The following PUS7L variants were observed in gnomAD, a reference collection of about 807,000 sequenced individuals.
PUS7L encodes the protein pseudouridine synthase 7 like.
PUS7L carries 49 observed loss-of-function variants against 51.1 expected under a neutral mutation model. The observed-to-expected ratio is 0.96, with a 90% confidence interval of 0.76 to 1.22. The LOEUF (loss-of-function observed/expected upper bound fraction) is 1.22. Ranked by LOEUF, PUS7L falls within the 50% of genes most tolerant of loss-of-function variation. The pLI is 0.00. For missense variants in PUS7L, 828 were observed against 820.6 expected (o/e 1.01, Z -0.11); for synonymous variants, 277 against 276.2 (o/e 1.00, Z -0.03).
At position 43,755,099 on chromosome 12, in the gene PUS7L, GGTCTTATTAACTAACT is replaced by G; in HGVS notation, c.131_146del (p.Gln44ProfsTer25). ...TAATCTTGAAAATAGGCTCATCGAT[GGTCTTATTAACTAACT>G]GTCCCTGTTCATCAATTTCAATAAC... On this transcript the variant is annotated frameshift_variant, in exon 2 of 9. Transcript: ENST00000344862. LOFTEE classifies it high-confidence loss of function. 2 of 1,613,592 alleles carry G rather than the reference GGTCTTATTAACTAACT, an allele frequency of 1.2e-6. No homozygotes were observed. Among genetic ancestry groups the G allele is most frequent in the Non-Finnish European group, 1.7e-6 (2 of 1,179,742 alleles).
rs923728628 is a variant in PUS7L at position 43,729,312 on chromosome 12, AG to A, written c.*1063del. 3 of 396,370 alleles carry A rather than the reference AG, an allele frequency of 7.6e-6. No homozygotes were observed. The highest frequency in any genetic ancestry group is 1.3e-5 in the Non-Finnish European group (3 of 224,582). 24.6% of individuals were successfully genotyped at this position (396,370 alleles called of 1,614,324 possible). A position where few individuals can be genotyped will look rare whatever the true frequency, so the allele number is the denominator to read the frequency against. ...TTCCCAAAATGGTTAAACTGGCTTA[AG>A]TATATATATCACATTACTGATATAT... On this transcript the variant is annotated 3_prime_UTR_variant, in exon 9 of 9. Coordinates refer to ENST00000344862, the MANE Select transcript of PUS7L (RefSeq NM_031292.5).
chr12:43,731,773 C>T lies in PUS7L; in HGVS notation c.1726-15G>A. ...ACCAGGTGAATCTAGTTTTAAAAAA[C>T]ATGAAAATATGAATGATTCCCAAAT... On this transcript the variant is annotated splice_polypyrimidine_tract_variant and intron_variant, in intron 7 of 8. Transcript: ENST00000344862. 1.3e-6 allele frequency: 2 copies of T among 1,507,048 alleles called. No individual in the cohort carries two copies. Among genetic ancestry groups the T allele is most frequent in the Non-Finnish European group, 1.8e-6 (2 of 1,089,298 alleles). The allele number at this position is 1,507,048 out of a possible 1,614,324, so 93.4% of individuals were successfully genotyped here.
chr12:43,740,207 A>G (rs1215129092), intron 5 of PUS7L, among the ~76,000 whole-genome samples: 1 of 152,188 alleles, frequency 6.6e-6, no homozygotes, highest in Non-Finnish European at 1.5e-5. Flanking sequence ...TGTCTTTAGC[A>G]CTGGGATTTA....
chr12:43,757,239 C>T (rs1938780590), intron 1 of PUS7L, among the ~76,000 whole-genome samples: 1 of 152,162 alleles, frequency 6.6e-6, no homozygotes, highest in South Asian at 2.1e-4. Context: ...GGCATGATCT[C>T]GGCTCACTGC....
At chr12:43,740,638 C>G (rs748611639) in intron 5 of PUS7L, among the ~76,000 whole-genome samples, 2 of 152,048 alleles carry the variant, frequency 1.3e-5, no homozygotes, top group Admixed American at 1.3e-4. Context: ...GAACCAGCCT[C>G]TAAGATGGCC....
At chr12:43,744,496 C>T (rs891738854) in intron 4 of PUS7L, among the ~76,000 whole-genome samples, 1 of 152,196 alleles carries the variant, frequency 6.6e-6, no homozygotes, top group Non-Finnish European at 1.5e-5. Flanking sequence ...TTGTAAGTTT[C>T]CTGAGGCCTC....
At chr12:43,754,038 CACGA>C (rs750198859) in intron 2 of PUS7L, among the ~76,000 whole-genome samples, 18 of 152,228 alleles carry the variant, frequency 1.2e-4, no homozygotes, top group Non-Finnish European at 2.6e-4. Context: ...ACTTATTAAA[CACGA>C]ACCAACTGCT....
Position 43,723,337 on chromosome 12 carries a change from A to G in PUS7L, c.*7039T>C, listed in dbSNP as rs1944418777. 6.6e-6 allele frequency: 1 copy of G among 152,114 alleles called. No homozygotes were observed. The highest frequency in any genetic ancestry group is 1.9e-4 in the East Asian group (1 of 5,182). 9.4% of individuals were successfully genotyped at this position (152,114 alleles called of 1,614,324 possible). A position where few individuals can be genotyped will look rare whatever the true frequency, so the allele number is the denominator to read the frequency against. ...CCATTAACACCATTTCCCATTCTTT[A>G]AACTAGTAGCTTTTTAGAAAGCAGC... On this transcript the variant is annotated 3_prime_UTR_variant, in exon 9 of 9. Transcript: ENST00000344862.
In PUS7L at chr12:43,725,350, GC is replaced by G. The variant is rs1278654941; in HGVS notation, c.*5025del. 2 of 151,938 alleles carry G rather than the reference GC, an allele frequency of 1.3e-5. No homozygotes were observed. The highest frequency in any genetic ancestry group is 4.8e-5 in the African/African-American group (2 of 41,338). 9.4% of individuals were successfully genotyped at this position (151,938 alleles called of 1,614,324 possible). A position where few individuals can be genotyped will look rare whatever the true frequency, so the allele number is the denominator to read the frequency against. ...AGGTATCTTGTCTCTCCCAAGACAT[GC>G]CCCAATATGCCTATTAAATCAATGG... On this transcript the variant is annotated 3_prime_UTR_variant, in exon 9 of 9. Coordinates refer to ENST00000344862, the MANE Select transcript of PUS7L (RefSeq NM_031292.5).
rs11182232 is a variant in PUS7L, at chr12:43,722,186, A to C, written c.*8190T>G. 9,648 of 152,228 alleles carry C rather than the reference A, an allele frequency of 0.063. 302 individuals are homozygous for C. Among genetic ancestry groups the C allele is most frequent in the Middle Eastern group, 0.16 (48 of 296 alleles). The allele number at this position is 152,228 out of a possible 1,614,324, so 9.4% of individuals were successfully genotyped here. ...GTATGTACTATGGAGTAGTGACAGA[A>C]GCCACTTGAAGATTTGGGGCCATAC... On this transcript the variant is annotated 3_prime_UTR_variant, in exon 9 of 9. Coordinates refer to ENST00000344862, the MANE Select transcript of PUS7L (RefSeq NM_031292.5).
chr12:43,754,929 T>C lies in PUS7L; in HGVS notation c.317A>G (p.Glu106Gly). 1 of 1,613,956 alleles carries C rather than the reference T, an allele frequency of 6.2e-7. No individual in the cohort carries two copies. The highest frequency in any genetic ancestry group is 2.2e-5 in the East Asian group (1 of 44,850). The change falls in exon 2 of 9, where the codon GAA becomes GGA. Residue 106 changes from glutamate to glycine, a missense_variant. Transcript: ENST00000344862. ...TCCATCAACGATAGTATCTTCCTTT[T>C]CTGAACCAGACTGATGATTTTGGTC... ...DGDQNHQSGS[E>G]KEDTIVDGTS... is the part of the protein sequence containing the mutation.
rs191140201 is a variant in PUS7L, at chr12:43,751,462, C to T, written c.911-2853G>A. ...AACATGCAGTGTTTGGTTTTTTGTC[C>T]TTGCGATAGTTTGCTGAGAATGATG... On this transcript the variant is annotated intron_variant, in intron 2 of 8. Transcript: ENST00000344862. Among the ~76,000 whole-genome samples the T allele has an allele frequency of 4.8e-3, 731 of 150,874 alleles. 3 individuals carry two copies. Among genetic ancestry groups the T allele is most frequent in the Admixed American group, 0.013 (194 of 15,018 alleles).
At chr12:43,758,654 A>ACCCCCCCCCCCCCCCCCCCC (rs760755963) in intron 1 of PUS7L, 76 bp downstream of exon 1, 2 of 437,912 alleles carry the variant, frequency 4.6e-6, no homozygotes, top group Non-Finnish European at 2.6e-6. Context: ...CAACCTCGTC[A>ACCCCCCCCCCCCCCCCCCCC]CCCCCCCCCC....
In PUS7L at chr12:43,746,144, C is replaced by T. The variant is rs1938159575; in HGVS notation, c.1165G>A (p.Gly389Arg). The change falls in exon 4 of 9, where the codon GGA (glycine) becomes AGA (arginine). Residue 389 changes from glycine to arginine, a missense_variant. Gly to Arg is a moderately radical substitution (Grantham distance 125, BLOSUM62 -2). Coordinates refer to ENST00000344862, the MANE Select transcript of PUS7L (RefSeq NM_031292.5). Reference protein sequence around the residue: ...DDSLRLGQLKGNHFDIVIRNL... With the variant: ...DDSLRLGQLKRNHFDIVIRNL... ...CTAATGACAATATCAAAGTGATTTC[C>T]TTTGAGCTGACCAAGTCTCAGGGAA... 1 of 1,525,556 alleles carries T rather than the reference C, an allele frequency of 6.6e-7. No homozygotes were observed. The highest frequency in any genetic ancestry group is 9.1e-7 in the Non-Finnish European group (1 of 1,104,332). 94.5% of individuals were successfully genotyped at this position (1,525,556 alleles called of 1,614,324 possible).
chr12:43,736,505 T>C lies in PUS7L; in HGVS notation c.1601A>G (p.Tyr534Cys). The C allele has an allele frequency of 1.2e-6, 2 of 1,614,246 alleles. No individual in the cohort carries two copies. The highest frequency in any genetic ancestry group is 1.7e-6 in the Non-Finnish European group (2 of 1,180,034). The change falls in exon 7 of 9, where the codon TAT (tyrosine) becomes TGT (cysteine). Residue 534 changes from tyrosine to cysteine, a missense_variant. Transcript: ENST00000344862. ...HSMRIFYVHA[Y>C]TSKIWNEAVS... is the part of the protein sequence containing the mutation. ...TGCCTCATTCCAAATTTTGCTGGTA[T>C]ATGCGTGAACATAGAATATGCGCAT...
At chr12:43,735,474 T>C (rs1944664245) in intron 7 of PUS7L, among the ~76,000 whole-genome samples, 1 of 152,098 alleles carries the variant, frequency 6.6e-6, no homozygotes, top group Non-Finnish European at 1.5e-5. Context: ...GAGGAAATTA[T>C]GAATCATATT....
intron 7 of PUS7L, among the ~76,000 whole-genome samples, chr12:43,735,877 A>G (rs1246224596): frequency 6.6e-6 from 1 of 152,062 alleles, no homozygotes; most frequent in African/African-American, 2.4e-5. Context: ...CCCAGGTTCA[A>G]GAGATTCTCC....
In PUS7L at chr12:43,730,206, T is replaced by A; in HGVS notation, c.*170A>T. On this transcript the variant is annotated 3_prime_UTR_variant, in exon 9 of 9. Transcript: ENST00000344862. ...GACCTTAAATTTGGACCCTGACACT[T>A]ACATATCCTCTATAAAATTACAGTA... is the stretch of plus-strand genomic sequence containing the variant. 1 of 600,384 alleles carries A rather than the reference T, an allele frequency of 1.7e-6. No individual in the cohort carries two copies. Among genetic ancestry groups the A allele is most frequent in the Non-Finnish European group, 2.9e-6 (1 of 342,914 alleles). 37.2% of individuals were successfully genotyped at this position (600,384 alleles called of 1,614,324 possible).
intron 7 of PUS7L, among the ~76,000 whole-genome samples, chr12:43,734,020 CT>C (rs1187973288): frequency 6.6e-6 from 1 of 152,160 alleles, no homozygotes; most frequent in Non-Finnish European, 1.5e-5. Context: ...TTTACTCCCT[CT>C]TTTCAAGTAG....
Sources: allele counts gnomAD v4.1 joint callset (sites outside exome capture counted in the v4.1 genomes callset), GRCh38; gene constraint gnomAD v4.1.1; transcripts MANE v1.5; gene names NCBI Gene and HGNC (gene_info 2026-07-23, HGNC 2026-07-21).